Variants in CADPS2 observed in about 807,000 individuals in gnomAD.
CADPS2 encodes calcium-dependent secretion activator 2.
CADPS2 carries 93 observed loss-of-function variants against 172.5 expected under a neutral mutation model. That is an observed-to-expected ratio of 0.54 (90% CI 0.46 to 0.64). CADPS2 has a LOEUF of 0.64. CADPS2 is among the 30% of genes least tolerant of loss of function. CADPS2 has a pLI of 0.00. For synonymous variants in CADPS2, 546 were observed against 555.2 expected (o/e 0.98, Z 0.23); for missense variants, 1,420 against 1,565.9 (o/e 0.91, Z 1.57).
intron 6 of CADPS2, among the ~76,000 whole-genome samples, chr7:122,585,049 C>T (rs138344648): frequency 3.8e-4 from 58 of 151,976 alleles, no homozygotes; most frequent in Non-Finnish European, 7.1e-4. Flanking sequence ...TGCTAACGAA[C>T]ACCTCCTGTG....
At position 122,541,437 on chromosome 7, in the gene CADPS2, C is replaced by G. The variant is rs1220402885; in HGVS notation, c.1475+13113G>C. On this transcript the variant is annotated intron_variant, in intron 8 of 29. Coordinates refer to ENST00000449022, the MANE Select transcript of CADPS2 (RefSeq NM_017954.11). ...GTCAGGCTGGTCTTGAACTCCTGGC[C>G]TCAGGTGATCCGCCCGCCTCAGCCT... Among the ~76,000 whole-genome samples, 3 of 147,604 alleles carry G rather than the reference C, an allele frequency of 2.0e-5. No individual in the cohort carries two copies. The East Asian group carries it at 5.9e-4, about 29-fold the overall frequency.
rs968878210 is a variant in CADPS2, at chr7:122,781,610, A to G, written c.340-44542T>C. Reference sequence around the variant, plus strand: ...ATACAAATATGCAACACTCATAAATAATGTATCCTTTCTTAATCTATCCTT... The same window carrying G: ...ATACAAATATGCAACACTCATAAATGATGTATCCTTTCTTAATCTATCCTT... On this transcript the variant is annotated intron_variant, in intron 1 of 29. Coordinates refer to ENST00000449022, the MANE Select transcript of CADPS2 (RefSeq NM_017954.11). 2.0e-5 allele frequency among the ~76,000 whole-genome samples: 3 copies of G among 152,320 alleles called. No individual in the cohort carries two copies. The East Asian group carries it at 5.8e-4, about 29-fold the overall frequency.
intron 1 of CADPS2, among the ~76,000 whole-genome samples, chr7:122,766,630 G>T (rs1392730169): frequency 1.3e-5 from 2 of 152,042 alleles, no homozygotes; most frequent in African/African-American, 2.4e-5. Context: ...ATTTTGAAAC[G>T]CCATCTTGCT....
rs77951301 is a variant in CADPS2, at chr7:122,718,191, T to G, written c.453+18764A>C. 5.8e-3 allele frequency among the ~76,000 whole-genome samples: 876 copies of G among 152,036 alleles called. 4 individuals carry two copies. Among genetic ancestry groups the G allele is most frequent in the African/African-American group, 0.02 (840 of 41,472 alleles). ...TTTACTAAGCTAGAAGCTTTATATA[T>G]GTAGTTTATGTGATTGCCATTATAC... On this transcript the variant is annotated intron_variant, in intron 2 of 29. Transcript: ENST00000449022.
At chr7:122,754,649 G>C (rs911557538) in intron 1 of CADPS2, among the ~76,000 whole-genome samples, 1 of 152,016 alleles carries the variant, frequency 6.6e-6, no homozygotes, top group African/African-American at 2.4e-5. Context: ...GCGAATTTTT[G>C]TATTTTTAGT....
intron 1 of CADPS2, among the ~76,000 whole-genome samples, chr7:122,796,640 C>T (rs942518115): frequency 3.9e-5 from 6 of 152,062 alleles, no homozygotes; most frequent in African/African-American, 1.4e-4. Context: ...ATAAATGGTG[C>T]TGTTATTACT....
intron 1 of CADPS2, among the ~76,000 whole-genome samples, chr7:122,831,060 AAG>A (rs1806388601): frequency 6.6e-6 from 1 of 152,180 alleles, no homozygotes; most frequent in Non-Finnish European, 1.5e-5. Context: ...AGGCTACTGA[AAG>A]AGAAAGAGAA....
chr7:122,850,456 T>C (rs980644371), intron 1 of CADPS2: 2 of 243,190 alleles, frequency 8.2e-6, no homozygotes, highest in Non-Finnish European at 1.6e-5. Context: ...GTGCTCCAAC[T>C]GCCTCCAGCT....
At chr7:122,604,535 T>C (rs1175555201) in intron 6 of CADPS2, among the ~76,000 whole-genome samples, 1 of 152,124 alleles carries the variant, frequency 6.6e-6, no homozygotes, top group Admixed American at 6.6e-5. Flanking sequence ...TTCTTCTGAC[T>C]GTATGGGTTC....
rs969877140 is a variant in CADPS2 at position 122,320,986 on chromosome 7, T to C, written c.3718-648A>G. 3.9e-5 allele frequency among the ~76,000 whole-genome samples: 6 copies of C among 152,228 alleles called. No homozygotes were observed. The East Asian group carries it at 9.6e-4, about 24-fold the overall frequency. On this transcript the variant is annotated intron_variant, in intron 29 of 29. Coordinates refer to ENST00000449022, the MANE Select transcript of CADPS2 (RefSeq NM_017954.11). Reference sequence around the variant, plus strand: ...TCCATAGATGGGACAGCAAAACAAGTATTTACATTTTTTCTTAAAAGAATA... The same window carrying C: ...TCCATAGATGGGACAGCAAAACAAGCATTTACATTTTTTCTTAAAAGAATA...
intron 22 of CADPS2, 99 bp downstream of exon 22, chr7:122,393,097 G>A: frequency 7.8e-6 from 10 of 1,285,726 alleles, no homozygotes; most frequent in East Asian, 5.2e-5. Context: ...CTCAACCAAC[G>A]ATGACAAATG....
intron 1 of CADPS2, chr7:122,850,362 A>AG (rs556159522): frequency 9.3e-5 from 35 of 374,894 alleles, no homozygotes; most frequent in African/African-American, 5.7e-4. Flanking sequence ...ATCACCACCT[A>AG]GGGGGGTGAC....
chr7:122,710,211 C>A (rs2088481520), intron 2 of CADPS2, among the ~76,000 whole-genome samples: 1 of 151,964 alleles, frequency 6.6e-6, no homozygotes, highest in South Asian at 2.1e-4. Flanking sequence ...GAGTTCCCAG[C>A]AGTCAGAAAT....
At chr7:122,436,464 TAA>T in intron 17 of CADPS2, 1 of 691,370 alleles carries the variant, frequency 1.4e-6, no homozygotes, top group Non-Finnish European at 2.1e-6. Flanking sequence ...CTTTCTAACT[TAA>T]GTTTGATTTG....
At chr7:122,577,455 T>C (rs2068198359) in intron 7 of CADPS2, among the ~76,000 whole-genome samples, 1 of 152,064 alleles carries the variant, frequency 6.6e-6, no homozygotes, top group African/African-American at 2.4e-5. Flanking sequence ...ACTTCTTCCA[T>C]TTGCATTTAC....
At chr7:122,429,326 G>C (rs982739769) in intron 17 of CADPS2, among the ~76,000 whole-genome samples, 3 of 146,370 alleles carry the variant, frequency 2.0e-5, no homozygotes, top group Non-Finnish European at 4.5e-5. Flanking sequence ...CCCTATCCAG[G>C]TGATCACACA....
intron 2 of CADPS2, among the ~76,000 whole-genome samples, chr7:122,678,289 A>G (rs1438648687): frequency 2.6e-5 from 4 of 152,254 alleles, no homozygotes; most frequent in African/African-American, 7.2e-5. Context: ...TTGTAATACA[A>G]TGTTATTAAC....
At chr7:122,705,002 G>C (rs894894691) in intron 2 of CADPS2, among the ~76,000 whole-genome samples, 1 of 152,118 alleles carries the variant, frequency 6.6e-6, no homozygotes, top group South Asian at 2.1e-4. Context: ...AGCCTGAGGA[G>C]AGAAGCATCC....
At chr7:122,606,289 G>T (rs1587780035) in intron 6 of CADPS2, among the ~76,000 whole-genome samples, 1 of 152,102 alleles carries the variant, frequency 6.6e-6, no homozygotes, top group East Asian at 1.9e-4. Flanking sequence ...TGAAAGGCAG[G>T]CTGAGAATGA....
Sources: allele counts gnomAD v4.1 joint callset (sites outside exome capture counted in the v4.1 genomes callset), GRCh38; gene constraint gnomAD v4.1.1; transcripts MANE v1.5; gene names NCBI Gene and HGNC (gene_info 2026-07-23, HGNC 2026-07-21).